Variants in COL4A2 observed in about 807,000 individuals in gnomAD.
COL4A2 encodes collagen type IV alpha 2 chain.
COL4A2 carries 99 observed loss-of-function variants against 200.2 expected under a neutral mutation model. The observed-to-expected ratio is 0.49, with a 90% CI of 0.42 to 0.58. COL4A2 has a LOEUF of 0.58. Among genes scored for constraint, COL4A2 ranks in the 20% least tolerant of loss-of-function variants. The pLI is 0.00. For missense variants in COL4A2, 1,950 were observed against 2,314.1 expected (o/e 0.84, Z 3.23); for synonymous variants, 897 against 900.6 (o/e 1.00, Z 0.07).
intron 4 of COL4A2, among the ~76,000 whole-genome samples, chr13:110,402,522 G>A (rs1405003171): frequency 6.6e-6 from 1 of 152,194 alleles, no homozygotes; most frequent in African/African-American, 2.4e-5. Context: ...ACTGGGCACA[G>A]CCTTCATTGC....
intron 4 of COL4A2, among the ~76,000 whole-genome samples, chr13:110,384,082 T>A (rs1288761352): frequency 6.6e-6 from 1 of 152,206 alleles, no homozygotes; most frequent in African/African-American, 2.4e-5. Flanking sequence ...CACTGCCGCA[T>A]ACAGGAAATA....
At chr13:110,433,411 G>A (rs1326348291) in intron 11 of COL4A2, among the ~76,000 whole-genome samples, 2 of 151,508 alleles carry the variant, frequency 1.3e-5, no homozygotes, top group Admixed American at 6.6e-5. Context: ...GTCACTTCCT[G>A]GTGACTTTGA....
chr13:110,404,241 C>T (rs1879481204), intron 4 of COL4A2, among the ~76,000 whole-genome samples: 1 of 152,164 alleles, frequency 6.6e-6, no homozygotes, highest in Non-Finnish European at 1.5e-5. Flanking sequence ...TTGCTCATTG[C>T]CTTTTTAAGG....
chr13:110,460,469 T>C (rs1160178542), intron 22 of COL4A2, among the ~76,000 whole-genome samples: 1 of 152,206 alleles, frequency 6.6e-6, no homozygotes, highest in African/African-American at 2.4e-5. Flanking sequence ...ACTGCACATA[T>C]ACCAATGGCA....
intron 38 of COL4A2, 81 bp downstream of exon 38, chr13:110,492,258 T>C: frequency 7.9e-7 from 1 of 1,260,184 alleles, no homozygotes; most frequent in Non-Finnish European, 1.1e-6. Context: ...GGCCAGCCTC[T>C]CTCAGGGCGA....
intron 39 of COL4A2, among the ~76,000 whole-genome samples, chr13:110,493,616 T>C (rs1300450134): frequency 6.6e-6 from 1 of 152,016 alleles, no homozygotes; most frequent in Non-Finnish European, 1.5e-5. Context: ...GTGTCTGGAG[T>C]GTTCACTCTG....
intron 3 of COL4A2, among the ~76,000 whole-genome samples, chr13:110,352,781 A>G (rs979325204): frequency 2.6e-5 from 4 of 152,122 alleles, no homozygotes; most frequent in Non-Finnish European, 4.4e-5. Flanking sequence ...GGGTGCCCCC[A>G]CCAGCTTTCA....
At chr13:110,479,347 G>A (rs897799975) in intron 30 of COL4A2, among the ~76,000 whole-genome samples, 1 of 19,430 alleles carries the variant, frequency 5.1e-5, no homozygotes, top group Non-Finnish European at 1.2e-4. Context: ...AGAGGAGGCG[G>A]GGACAGGCAG....
At chr13:110,487,406 T>C (rs1883151817) in intron 34 of COL4A2, among the ~76,000 whole-genome samples, 1 of 152,172 alleles carries the variant, frequency 6.6e-6, no homozygotes, top group Non-Finnish European at 1.5e-5. Context: ...TGAGCCGAGA[T>C]TGCGCCGTTG....
chr13:110,354,419 A>G (rs1713109797), intron 3 of COL4A2, among the ~76,000 whole-genome samples: 1 of 152,224 alleles, frequency 6.6e-6, no homozygotes, highest in African/African-American at 2.4e-5. Flanking sequence ...GCCCCATTGC[A>G]GATAAACATT....
Position 110,469,311 on chromosome 13 carries a change from C to T in COL4A2, c.2190C>T (p.Phe730=). 1 of 1,581,398 alleles carries T rather than the reference C, an allele frequency of 6.3e-7. No homozygotes were observed. Among genetic ancestry groups the T allele is most frequent in the Non-Finnish European group, 8.6e-7 (1 of 1,163,466 alleles). The change falls in exon 28 of 48, where the codon TTC becomes TTT. Residue 730 remains phenylalanine, a synonymous_variant. Transcript: ENST00000360467. ...CAGGAGACGCAGGTCGTGAAGGGTT[C>T]CCAGGACCCCCAGGTGAGTTGAGAT... ...GLPGDAGREG[F]PGPPGFIGPR...
At chr13:110,339,859 A>G (rs1876369612) in intron 3 of COL4A2, among the ~76,000 whole-genome samples, 1 of 152,248 alleles carries the variant, frequency 6.6e-6, no homozygotes, top group South Asian at 2.1e-4. Flanking sequence ...CTTCAGAAGC[A>G]TTCCAGAAAT....
In COL4A2 at chr13:110,307,972, C is replaced by G; in HGVS notation, c.44+25C>G. 6.2e-7 allele frequency: 1 copy of G among 1,612,196 alleles called. No homozygotes were observed. Among genetic ancestry groups the G allele is most frequent in the Non-Finnish European group, 8.5e-7 (1 of 1,179,332 alleles). ...GGTAAGCGACTTTCTGCCTGGTCCCCGTGGGTCACGCGCGCATGGACCCTT... is the reference window on the plus strand; with the variant it reads ...GGTAAGCGACTTTCTGCCTGGTCCCGGTGGGTCACGCGCGCATGGACCCTT... On this transcript the variant is annotated intron_variant, in intron 2 of 47. Coordinates refer to ENST00000360467, the MANE Select transcript of COL4A2 (RefSeq NM_001846.4). The surrounding 1 kb of genome is among the most constrained non-coding windows in gnomAD (Gnocchi z 5.0).
At chr13:110,449,546 A>AT in intron 18 of COL4A2, 133 bp from the exon 19 acceptor site, 1 of 790,646 alleles carries the variant, frequency 1.3e-6, no homozygotes, top group South Asian at 2.2e-5. Flanking sequence ...TGTATTAATC[A>AT]TCTTAACTCC....
chr13:110,330,688 C>T (rs900941481), intron 3 of COL4A2, among the ~76,000 whole-genome samples: 10 of 152,154 alleles, frequency 6.6e-5, no homozygotes, highest in Non-Finnish European at 1.0e-4. Context: ...CCGCGGCCTG[C>T]GGTGCCTTCC....
intron 4 of COL4A2, among the ~76,000 whole-genome samples, chr13:110,385,483 G>C (rs1594183418): frequency 7.0e-6 from 1 of 143,874 alleles, no homozygotes; most frequent in Admixed American, 7.1e-5. Context: ...GTTACAGTGT[G>C]TGGATAGGCC....
intron 33 of COL4A2, 101 bp from the exon 34 acceptor site, chr13:110,485,554 A>T: frequency 1.5e-6 from 1 of 647,220 alleles, no homozygotes; most frequent in Non-Finnish European, 2.6e-6. Context: ...AAAGATTCAC[A>T]GCACGTAGGA....
At chr13:110,497,797 C>T (rs1016686499) in intron 40 of COL4A2, among the ~76,000 whole-genome samples, 1 of 146,296 alleles carries the variant, frequency 6.8e-6, no homozygotes, top group African/African-American at 2.5e-5. Context: ...GGGTGAGGAT[C>T]TGGGGTCAGT....
intron 3 of COL4A2, among the ~76,000 whole-genome samples, chr13:110,352,904 C>T (rs9588145): frequency 0.069 from 10,552 of 152,142 alleles, 1,206 homozygotes; most frequent in African/African-American, 0.24. Flanking sequence ...GGCTACAGCA[C>T]GCCCCACGAG....
Sources: allele counts gnomAD v4.1 joint callset (sites outside exome capture counted in the v4.1 genomes callset), GRCh38; gene constraint gnomAD v4.1.1; non-coding constraint Gnocchi (gnomAD v3.1); transcripts MANE v1.5; gene names NCBI Gene and HGNC (gene_info 2026-07-23, HGNC 2026-07-21).